Variants in GRM7 observed in about 807,000 individuals in gnomAD.
The protein encoded by GRM7 is glutamate metabotropic receptor 7.
Under a neutral mutation model 84.5 loss-of-function variants are expected in GRM7, and 35 were observed. The observed-to-expected ratio is 0.41, with a 90% confidence interval of 0.32 to 0.55. GRM7 has a LOEUF of 0.55. Among genes scored for constraint, GRM7 ranks in the 20% least tolerant of loss-of-function variants. The pLI, the probability that GRM7 is intolerant of heterozygous loss-of-function variation, is 0.19. For missense variants in GRM7, 1,003 were observed against 1,194.6 expected, an observed-to-expected ratio of 0.84 and a Z score of 2.36; for synonymous variants, 487 against 455.1, an observed-to-expected ratio of 1.07 and a Z score of -0.89.
At chr3:6,891,262 T>C (rs917531036) in intron 1 of GRM7, among the ~76,000 whole-genome samples, 2 of 152,234 alleles carry the variant, frequency 1.3e-5, no homozygotes, top group African/African-American at 2.4e-5. Flanking sequence ...TGTGTGAATT[T>C]GATCCTGTCA....
intron 4 of GRM7, among the ~76,000 whole-genome samples, chr3:7,310,898 C>T (rs372282455): frequency 2.0e-5 from 3 of 152,250 alleles, no homozygotes; most frequent in South Asian, 4.1e-4. Context: ...CGCATGAGAT[C>T]TCTGCATTCT....
intron 2 of GRM7, among the ~76,000 whole-genome samples, chr3:7,153,324 C>T (rs1694346973): frequency 6.6e-6 from 1 of 152,000 alleles, no homozygotes; most frequent in Non-Finnish European, 1.5e-5. Context: ...ATGAATATAA[C>T]CAGGGTTGTC....
At chr3:7,519,397 AT>A (rs1315972671) in intron 7 of GRM7, among the ~76,000 whole-genome samples, 1 of 136,974 alleles carries the variant, frequency 7.3e-6, no homozygotes, top group African/African-American at 2.5e-5. Flanking sequence ...TTGCCATTAT[AT>A]TTTCATTCCT....
intron 7 of GRM7, among the ~76,000 whole-genome samples, chr3:7,561,159 T>C (rs921454909): frequency 6.6e-5 from 10 of 152,166 alleles, no homozygotes; most frequent in African/African-American, 2.4e-4. Context: ...TCATGCTTTC[T>C]TGCGTTTTCT....
At chr3:7,730,939 A>C (rs1338151063) in intron 9 of GRM7, among the ~76,000 whole-genome samples, 1 of 152,242 alleles carries the variant, frequency 6.6e-6, no homozygotes, top group Non-Finnish European at 1.5e-5. Context: ...ATACACCATC[A>C]AAGTACCTAG....
At chr3:7,304,162 T>C (rs1340613949) in intron 3 of GRM7, among the ~76,000 whole-genome samples, 1 of 152,100 alleles carries the variant, frequency 6.6e-6, no homozygotes, top group African/African-American at 2.4e-5. Flanking sequence ...CTTAGGGTTC[T>C]AATTGCGGAG....
Position 7,738,905 on chromosome 3 carries a change from G to A in GRM7, c.2699-1452G>A, listed in dbSNP as rs117404116. Among the ~76,000 whole-genome samples the A allele has an allele frequency of 3.9e-4, 60 of 152,142 alleles. No homozygotes were observed. In the East Asian group the frequency reaches 9.9e-3, roughly 25 times the overall value. On this transcript the variant is annotated intron_variant, in intron 9 of 9. Coordinates refer to ENST00000357716, the MANE Select transcript of GRM7 (RefSeq NM_000844.4). ...TTTCCTCCTTGTACCCAAACCAAGC[G>A]TATTGTTGAAGACAACACTGGGATA...
chr3:7,023,020 T>A (rs1695836859), intron 1 of GRM7, among the ~76,000 whole-genome samples: 1 of 124,558 alleles, frequency 8.0e-6, no homozygotes, highest in Non-Finnish European at 1.9e-5. Context: ...GGGCAGTAAA[T>A]CATGAGGGAG....
chr3:7,561,176 A>G (rs940682669), intron 7 of GRM7, among the ~76,000 whole-genome samples: 9 of 152,074 alleles, frequency 5.9e-5, no homozygotes, highest in African/African-American at 2.2e-4. Flanking sequence ...TTCTCAAGCT[A>G]TTCACTGTTT....
At chr3:7,181,526 A>G (rs1695336804) in intron 2 of GRM7, among the ~76,000 whole-genome samples, 2 of 152,208 alleles carry the variant, frequency 1.3e-5, no homozygotes, top group African/African-American at 4.8e-5. Context: ...AAGCTGTGAC[A>G]TTTATTAAAG....
At chr3:7,710,472 A>G (rs1416783225) in intron 9 of GRM7, among the ~76,000 whole-genome samples, 1 of 147,602 alleles carries the variant, frequency 6.8e-6, no homozygotes, top group Non-Finnish European at 1.5e-5. Context: ...CTTGTCACTC[A>G]CATTCCTGGA....
chr3:7,094,231 A>C (rs868429161), intron 1 of GRM7, among the ~76,000 whole-genome samples: 18 of 152,198 alleles, frequency 1.2e-4, no homozygotes, highest in African/African-American at 4.3e-4. Context: ...CTGGAAAAAA[A>C]CCCACAATTT....
chr3:7,338,503 A>C (rs1367424663), intron 4 of GRM7, among the ~76,000 whole-genome samples: 3 of 152,040 alleles, frequency 2.0e-5, no homozygotes, highest in African/African-American at 7.2e-5. Flanking sequence ...AATAAAAATA[A>C]AATAAAAATT....
At chr3:6,931,297 T>C (rs1697491451) in intron 1 of GRM7, among the ~76,000 whole-genome samples, 1 of 152,120 alleles carries the variant, frequency 6.6e-6, no homozygotes, top group Non-Finnish European at 1.5e-5. Flanking sequence ...TGCCGTGACT[T>C]ACTAGCAATG....
rs1293052360 is a variant in GRM7 at position 7,146,638 on chromosome 3, G to C, written c.706G>C (p.Glu236Gln). 4 of 1,613,512 alleles carry C rather than the reference G, an allele frequency of 2.5e-6. No individual in the cohort carries two copies. Among genetic ancestry groups the C allele is most frequent in the Non-Finnish European group, 3.4e-6 (4 of 1,179,866 alleles). Reference protein sequence around the residue: ...SEGSYGEKGVESFTQISKEAG... With the variant: ...SEGSYGEKGVQSFTQISKEAG... ...AGGAAGTTATGGAGAGAAAGGTGTG[G>C]AGTCCTTCACGCAGATTTCCAAAGA... Residue 236 changes from glutamate (E) to glutamine (Q), a missense_variant, in exon 2 of 10, where the codon GAG (glutamate) becomes CAG (glutamine). Transcript: ENST00000357716.
intron 2 of GRM7, among the ~76,000 whole-genome samples, chr3:7,260,379 G>A (rs1251776564): frequency 6.6e-6 from 1 of 152,098 alleles, no homozygotes; most frequent in Non-Finnish European, 1.5e-5. Context: ...GTCCAGAACG[G>A]TATTGCCTAG....
chr3:7,152,375 C>T (rs1179268968), intron 2 of GRM7, among the ~76,000 whole-genome samples: 3 of 152,180 alleles, frequency 2.0e-5, no homozygotes, highest in African/African-American at 7.2e-5. Flanking sequence ...TAAATAAAGT[C>T]ATTTCAGTAT....
intron 9 of GRM7, among the ~76,000 whole-genome samples, chr3:7,701,215 C>T (rs536015915): frequency 6.6e-6 from 1 of 151,880 alleles, no homozygotes; most frequent in Non-Finnish European, 1.5e-5. Flanking sequence ...TCCAAAGATG[C>T]TTTTCTTTCC....
intron 7 of GRM7, among the ~76,000 whole-genome samples, chr3:7,474,491 C>T (rs1698840421): frequency 6.7e-6 from 1 of 148,836 alleles, no homozygotes; most frequent in Non-Finnish European, 1.5e-5. Flanking sequence ...CCACCAAAAA[C>T]AACTGAAATG....
Sources: gnomAD v4.1 joint callset for allele counts (sites outside exome capture counted in the v4.1 genomes callset) on GRCh38, gnomAD v4.1.1 for gene constraint, MANE v1.5 for transcripts, NCBI Gene and HGNC (gene_info 2026-07-23, HGNC 2026-07-21) for gene names.